PCDH9: variants seen among roughly 807,000 people sequenced by gnomAD.
PCDH9 encodes protocadherin 9, also known as protocadherin-9.
A neutral mutation model predicts 70.6 loss-of-function variants in PCDH9; 24 were observed. The ratio of observed to expected loss-of-function variants is 0.34; its 90% CI spans 0.25 to 0.48. PCDH9 has a LOEUF of 0.48. Among genes scored for constraint, PCDH9 ranks in the 20% least tolerant of loss-of-function variants. The probability of loss-of-function intolerance (pLI) is 0.99; values close to 1 mark genes in which losing one functional copy is unlikely to be tolerated. For missense variants in PCDH9, 1,281 were observed against 1,503.6 expected, an observed-to-expected ratio of 0.85 and a Z score of 2.45; for synonymous variants, 562 against 558.5, an observed-to-expected ratio of 1.01 and a Z score of -0.09.
At position 66,322,420 on chromosome 13, in the gene PCDH9, T is replaced by C. The variant is rs116750913; in HGVS notation, c.3341-17392A>G. Among the ~76,000 whole-genome samples the C allele has an allele frequency of 3.3e-3, 498 of 152,116 alleles. 8 individuals are homozygous for C. The highest frequency in any genetic ancestry group is 0.012 in the African/African-American group (478 of 41,434). ...AATCAAAAATCTGACACGGTTAAGT[T>C]CAATTTGAGTGGCAGCACTAAGGGA... is the stretch of plus-strand genomic sequence containing the variant. On this transcript the variant is annotated intron_variant, in intron 4 of 4. Coordinates refer to ENST00000377865, the MANE Select transcript of PCDH9 (RefSeq NM_203487.3).
In PCDH9 at chr13:66,595,738, A is replaced by G. The variant is rs118060416; in HGVS notation, c.3340+35472T>C. On this transcript the variant is annotated intron_variant, in intron 4 of 4. Transcript: ENST00000377865. The stretch of plus-strand genomic sequence containing the variant: ...ATTAGTAGTGGAATAAAGTAGACTT[A>G]TGAATAGTCATTGGTAATCACATTC... Among the ~76,000 whole-genome samples, 648 of 151,824 alleles carry G rather than the reference A, an allele frequency of 4.3e-3. 21 individuals are homozygous for G. The East Asian group carries it at 0.084, about 20-fold the overall frequency.
chr13:66,362,650 C>CT (rs1956490512), intron 4 of PCDH9, among the ~76,000 whole-genome samples: 1 of 151,944 alleles, frequency 6.6e-6, no homozygotes. Flanking sequence ...CTTTCTTCTT[C>CT]TTTGTCTCTC....
At position 67,230,103 on chromosome 13, in the gene PCDH9, A is replaced by C. The variant is rs1566517463; in HGVS notation, c.-459T>G. ...TATTTTCCACAGCAGCATGCATACCATTTCCATCCGATGCCAATACTGCTT... is the reference window on the plus strand; with the variant it reads ...TATTTTCCACAGCAGCATGCATACCCTTTCCATCCGATGCCAATACTGCTT... On this transcript the variant is annotated 5_prime_UTR_variant, in exon 1 of 5. An upstream start codon of the reference 5' UTR is lost. Transcript: ENST00000377865. 1 of 152,166 alleles carries C rather than the reference A, an allele frequency of 6.6e-6. No homozygotes were observed. The highest frequency in any genetic ancestry group is 1.5e-5 in the Non-Finnish European group (1 of 68,058). The allele number at this position is 152,166 out of a possible 1,614,324, so 9.4% of individuals were successfully genotyped here.
intron 3 of PCDH9, among the ~76,000 whole-genome samples, chr13:66,807,567 A>G (rs2080430448): frequency 6.6e-6 from 1 of 152,202 alleles, no homozygotes; most frequent in Non-Finnish European, 1.5e-5. Context: ...GGGAATAACT[A>G]CTGTTTTAAT....
intron 2 of PCDH9, chr13:67,213,240 A>C (rs9529204): frequency 1.7e-5 from 1 of 59,100 alleles, no homozygotes; most frequent in South Asian, 6.2e-4. Context: ...AAAAAAAAAG[A>C]AAAAAAAAAG....
At chr13:66,715,070 T>A (rs956012362) in intron 3 of PCDH9, among the ~76,000 whole-genome samples, 1 of 152,162 alleles carries the variant, frequency 6.6e-6, no homozygotes, top group Non-Finnish European at 1.5e-5. Flanking sequence ...AAAATTAGTA[T>A]TTTTGAGCAG....
intron 4 of PCDH9, among the ~76,000 whole-genome samples, chr13:66,625,606 TATATAC>T (rs1292776641): frequency 6.6e-6 from 1 of 152,022 alleles, no homozygotes; most frequent in Non-Finnish European, 1.5e-5. Context: ...TTTTTTTTCA[TATATAC>T]ATATATGTAT....
chr13:66,958,534 T>G (rs143156541), intron 2 of PCDH9, among the ~76,000 whole-genome samples: 1 of 152,324 alleles, frequency 6.6e-6, no homozygotes, highest in African/African-American at 2.4e-5. Flanking sequence ...ACACATACTG[T>G]ATAGCAGTTA....
chr13:66,755,796 G>A (rs745562633), intron 3 of PCDH9, among the ~76,000 whole-genome samples: 3 of 151,986 alleles, frequency 2.0e-5, no homozygotes, highest in Non-Finnish European at 4.4e-5. Context: ...ACAAAACAAT[G>A]GAATAGAACA....
At chr13:66,848,911 C>G (rs537297053) in intron 3 of PCDH9, among the ~76,000 whole-genome samples, 21 of 116,460 alleles carry the variant, frequency 1.8e-4, no homozygotes, top group Non-Finnish European at 2.9e-4. Flanking sequence ...CTGGGTGACA[C>G]AGCGAGACTC....
chr13:66,981,295 G>A (rs1242125593), intron 2 of PCDH9, among the ~76,000 whole-genome samples: 1 of 151,964 alleles, frequency 6.6e-6, no homozygotes, highest in East Asian at 1.9e-4. Context: ...AAAGTTAGCC[G>A]GGCGTGGTGG....
intron 2 of PCDH9, among the ~76,000 whole-genome samples, chr13:66,907,576 T>A (rs952990994): frequency 3.3e-5 from 5 of 152,194 alleles, no homozygotes; most frequent in Non-Finnish European, 5.9e-5. Flanking sequence ...CTCAAAGTTT[T>A]CACATAATCA....
At chr13:66,667,172 T>C (rs1335750411) in intron 3 of PCDH9, among the ~76,000 whole-genome samples, 13 of 152,120 alleles carry the variant, frequency 8.5e-5, no homozygotes, top group Non-Finnish European at 5.9e-5. Context: ...AAAATGGCTG[T>C]GCCTGATAGT....
Position 66,713,655 on chromosome 13 carries a change from T to TATATATATATATA in PCDH9, c.3139-82245_3139-82244insTATATATATATAT, listed in dbSNP as rs1474635736. Among the ~76,000 whole-genome samples the TATATATATATATA allele has an allele frequency of 4.1e-3, 261 of 63,560 alleles. 7 individuals carry two copies. The highest frequency in any genetic ancestry group is 0.015 in the African/African-American group (247 of 16,304). 41.7% of individuals were successfully genotyped at this position (63,560 alleles called of 152,430 possible). ...TATATATATATATATATATATATAA[T>TATATATATATATA]GTACACACACATCCAGTTGACTCTT... On this transcript the variant is annotated intron_variant, in intron 3 of 4. Coordinates refer to ENST00000377865, the MANE Select transcript of PCDH9 (RefSeq NM_203487.3).
intron 2 of PCDH9, among the ~76,000 whole-genome samples, chr13:67,026,317 G>A (rs1318112956): frequency 1.3e-5 from 2 of 151,962 alleles, no homozygotes; most frequent in Non-Finnish European, 2.9e-5. Flanking sequence ...TTTTTTGGTT[G>A]TGTCTCTGCC....
chr13:67,155,345 A>C (rs2987329), intron 2 of PCDH9, among the ~76,000 whole-genome samples: 5,040 of 152,264 alleles, frequency 0.033, 271 homozygotes, highest in African/African-American at 0.11. Flanking sequence ...AGGTTTTGAA[A>C]TTTGTTTTAA....
intron 4 of PCDH9, among the ~76,000 whole-genome samples, chr13:66,580,860 CTG>C (rs2076882062): frequency 6.6e-6 from 1 of 151,992 alleles, no homozygotes; most frequent in African/African-American, 2.4e-5. Context: ...TCAAAAATAA[CTG>C]AGAACAATCT....
intron 2 of PCDH9, among the ~76,000 whole-genome samples, chr13:67,172,339 C>T (rs2088311365): frequency 6.6e-6 from 1 of 152,218 alleles, no homozygotes; most frequent in Middle Eastern, 3.4e-3. Context: ...GTAAGAGTTT[C>T]AGAAAACTTG....
chr13:66,537,136 A>G (rs992901636), intron 4 of PCDH9, among the ~76,000 whole-genome samples: 2 of 152,116 alleles, frequency 1.3e-5, no homozygotes, highest in Non-Finnish European at 2.9e-5. Flanking sequence ...GAATGCCAGA[A>G]GCATGCTCAG....
Sources: gnomAD v4.1 joint callset for allele counts (sites outside exome capture counted in the v4.1 genomes callset) on GRCh38, gnomAD v4.1.1 for gene constraint, MANE v1.5 for transcripts, NCBI Gene and HGNC (gene_info 2026-07-23, HGNC 2026-07-21) for gene names.